Variants in BEND6 observed in about 807,000 individuals in gnomAD.
BEND6 encodes the protein BEN domain-containing protein 6.
Under a neutral mutation model 31.8 loss-of-function variants are expected in BEND6, and 24 were observed. The observed-to-expected ratio is 0.75, with a 90% CI of 0.55 to 1.06. BEND6 has a LOEUF of 1.06. Among genes scored for constraint, BEND6 ranks in the 50% least tolerant of loss-of-function variants. The pLI, the probability that BEND6 is intolerant of heterozygous loss-of-function variation, is 0.00. For synonymous variants in BEND6, 109 were observed against 114.6 expected, an observed-to-expected ratio of 0.95 and a Z score of 0.31; for missense variants, 294 against 327.4, an observed-to-expected ratio of 0.90 and a Z score of 0.79.
At chr6:56,978,107 C>CA (rs1825949925) in intron 1 of BEND6, among the ~76,000 whole-genome samples, 8 of 143,726 alleles carry the variant, frequency 5.6e-5, no homozygotes, top group Admixed American at 1.4e-4. Context: ...TCTACAAAAA[C>CA]AAAAAACAAA....
intron 3 of BEND6, among the ~76,000 whole-genome samples, chr6:57,005,313 C>CA (rs1315696642): frequency 6.6e-6 from 1 of 151,934 alleles, no homozygotes; most frequent in Non-Finnish European, 1.5e-5. Flanking sequence ...ATTCCCCTAA[C>CA]AAAAAATGTG....
intron 1 of BEND6, among the ~76,000 whole-genome samples, chr6:56,971,604 C>A (rs754948501): frequency 6.6e-6 from 1 of 152,130 alleles, no homozygotes; most frequent in African/African-American, 2.4e-5. Context: ...GCACAGGGTT[C>A]CAGTTCCTCT....
At chr6:56,999,676 A>G (rs1372143831) in intron 3 of BEND6, among the ~76,000 whole-genome samples, 1 of 152,240 alleles carries the variant, frequency 6.6e-6, no homozygotes, top group Non-Finnish European at 1.5e-5. Context: ...CAGAGAGCAC[A>G]GACCACTGTG....
At chr6:57,024,349 T>C (rs570136420) in intron 6 of BEND6, among the ~76,000 whole-genome samples, 2 of 152,246 alleles carry the variant, frequency 1.3e-5, no homozygotes, top group Non-Finnish European at 2.9e-5. Context: ...TTAGCATTTT[T>C]GTCTTTCAGA....
chr6:57,021,602 T>G (rs1473341474), intron 6 of BEND6, among the ~76,000 whole-genome samples: 1 of 152,190 alleles, frequency 6.6e-6, no homozygotes, highest in African/African-American at 2.4e-5. Context: ...TGCAAGAGCT[T>G]GATTTTTTTC....
chr6:56,978,429 A>G (rs192695373), intron 1 of BEND6, among the ~76,000 whole-genome samples: 106 of 152,238 alleles, frequency 7.0e-4, no homozygotes, highest in African/African-American at 2.3e-3. Context: ...CCTCTCCCCA[A>G]CCTACTCCTC....
intron 1 of BEND6, among the ~76,000 whole-genome samples, chr6:56,978,188 C>A (rs1216214424): frequency 6.6e-6 from 1 of 151,874 alleles, no homozygotes; most frequent in Non-Finnish European, 1.5e-5. Flanking sequence ...GAGACTGAGG[C>A]AAGAGGATCC....
At chr6:57,015,812 A>G (rs1232284681) in intron 4 of BEND6, among the ~76,000 whole-genome samples, 16 of 146,870 alleles carry the variant, frequency 1.1e-4, no homozygotes. Context: ...CTCCGTCTGA[A>G]AAAAAAAAAA....
Position 57,017,352 on chromosome 6 carries a change from AAGCTGTAAAACC to A in BEND6, c.670_681del (p.Val224_Ala227del). Reference sequence around the variant, plus strand: ...GCAAAATCCTCTACTTCAAGGGACAAAGCTGTAAAACCAGCTATGAATCAGAATGAAGTCCAA... The same window carrying A: ...GCAAAATCCTCTACTTCAAGGGACAAAGCTATGAATCAGAATGAAGTCCAA... On this transcript the variant is annotated inframe_deletion, in exon 5 of 7. Coordinates refer to ENST00000370746, the MANE Select transcript of BEND6 (RefSeq NM_152731.3). The A allele has an allele frequency of 7.1e-7, 1 of 1,403,410 alleles. No homozygotes were observed. Among genetic ancestry groups the A allele is most frequent in the Middle Eastern group, 1.9e-4 (1 of 5,260 alleles). 86.9% of individuals were successfully genotyped at this position (1,403,410 alleles called of 1,614,324 possible).
At chr6:56,991,737 T>C (rs894383933) in intron 2 of BEND6, among the ~76,000 whole-genome samples, 1 of 152,142 alleles carries the variant, frequency 6.6e-6, no homozygotes, top group African/African-American at 2.4e-5. Context: ...AAAAAATGTA[T>C]AGCTTGATTA....
intron 1 of BEND6, among the ~76,000 whole-genome samples, chr6:56,968,312 CTTTTTT>C (rs779756084): frequency 4.5e-5 from 3 of 65,986 alleles, no homozygotes; most frequent in African/African-American, 6.6e-5. Context: ...TCTTTCTTTT[CTTTTTT>C]TTTTTTTTTT....
intron 3 of BEND6, among the ~76,000 whole-genome samples, chr6:57,012,239 A>G (rs1048512435): frequency 2.0e-5 from 3 of 152,246 alleles, no homozygotes; most frequent in African/African-American, 7.2e-5. Context: ...AATGTTAGCA[A>G]TAAAAAGGAA....
rs1824632802 is a variant in BEND6, at chr6:56,955,286, T to C, written c.-275T>C. 6.6e-6 allele frequency: 1 copy of C among 152,198 alleles called. No individual in the cohort carries two copies. Among genetic ancestry groups the C allele is most frequent in the African/African-American group, 2.4e-5 (1 of 41,448 alleles). 9.4% of individuals were successfully genotyped at this position (152,198 alleles called of 1,614,324 possible). A position where few individuals can be genotyped will look rare whatever the true frequency, so the allele number is the denominator to read the frequency against. ...CTCTAGCTTCCCGGACACCCGGAGC[T>C]TCCGCCTATCCAGCCTCCCTCGGCC... On this transcript the variant is annotated 5_prime_UTR_variant, in exon 1 of 7. Transcript: ENST00000370746.
In BEND6 at chr6:56,975,925, G is replaced by A. The variant is rs61307775; in HGVS notation, c.-100-5786G>A. 3.9e-3 allele frequency: 2,056 copies of A among 531,244 alleles called. 33 individuals carry two copies. The highest frequency in any genetic ancestry group is 0.034 in the African/African-American group (1,758 of 51,952). 32.9% of individuals were successfully genotyped at this position (531,244 alleles called of 1,614,324 possible). A position where few individuals can be genotyped will look rare whatever the true frequency, so the allele number is the denominator to read the frequency against. On this transcript the variant is annotated intron_variant, in intron 1 of 6. Transcript: ENST00000370746. ...CATCATAAATTATTCCTCCAGTGGT[G>A]AGGAAGTAAGACACCAGCACCAGAG... is the stretch of plus-strand genomic sequence containing the variant.
intron 6 of BEND6, among the ~76,000 whole-genome samples, chr6:57,021,538 A>G (rs1020550): frequency 0.73 from 110,355 of 152,114 alleles, 40,872 homozygotes; most frequent in South Asian, 0.9. Flanking sequence ...CCCTTTTTTT[A>G]ATATATTCTT....
intron 2 of BEND6, among the ~76,000 whole-genome samples, chr6:56,989,614 CT>C (rs1391385978): frequency 2.0e-5 from 3 of 152,144 alleles, no homozygotes; most frequent in Non-Finnish European, 4.4e-5. Context: ...CTACTCTATG[CT>C]TTTGTCAAGC....
At chr6:56,981,169 T>C (rs889943472) in intron 1 of BEND6, among the ~76,000 whole-genome samples, 2 of 152,172 alleles carry the variant, frequency 1.3e-5, no homozygotes, top group Non-Finnish European at 2.9e-5. Context: ...GAAAATACTA[T>C]TGCCCTTGAG....
At chr6:56,967,783 A>G (rs1213533232) in intron 1 of BEND6, among the ~76,000 whole-genome samples, 6 of 152,176 alleles carry the variant, frequency 3.9e-5, no homozygotes, top group South Asian at 2.1e-4. Context: ...GGAATTGACA[A>G]CCTGCTACAA....
At position 56,991,841 on chromosome 6, in the gene BEND6, C is replaced by G. The variant is rs1272624834; in HGVS notation, c.121-537C>G. Among the ~76,000 whole-genome samples, 3 of 152,222 alleles carry G rather than the reference C, an allele frequency of 2.0e-5. No individual in the cohort carries two copies. The East Asian group carries it at 5.8e-4, about 29-fold the overall frequency. On this transcript the variant is annotated intron_variant, in intron 2 of 6. Transcript: ENST00000370746. The stretch of plus-strand genomic sequence containing the variant: ...CTGTCAGCTACTACCCCACACTCCC[C>G]TCCACAGGTACTTCTTGTCCTTCTA...
Sources: allele counts gnomAD v4.1 joint callset (sites outside exome capture counted in the v4.1 genomes callset), GRCh38; gene constraint gnomAD v4.1.1; transcripts MANE v1.5; gene names NCBI Gene and HGNC (gene_info 2026-07-23, HGNC 2026-07-21).